PAM: variants seen among roughly 807,000 people sequenced by gnomAD.
PAM encodes the protein peptidyl-glycine alpha-amidating monooxygenase.
A neutral mutation model predicts 122.1 loss-of-function variants in PAM; 72 were observed. The ratio of observed to expected loss-of-function variants is 0.59; its 90% CI spans 0.49 to 0.72. The LOEUF is 0.72. Among genes scored for constraint, PAM ranks in the 30% least tolerant of loss-of-function variants. The probability of loss-of-function intolerance (pLI) is 0.00; values close to 1 mark genes in which losing one functional copy is unlikely to be tolerated. For missense variants in PAM, 1,106 were observed against 1,183.7 expected (o/e 0.93, Z 0.96); for synonymous variants, 389 against 404.4 (o/e 0.96, Z 0.46).
chr5:102,909,767 G>A (rs6871561), intron 4 of PAM, among the ~76,000 whole-genome samples: 151,923 of 151,952 alleles, frequency 1, 75,947 homozygotes, highest in Middle Eastern at 1. Context: ...TGATATGCAA[G>A]CTAAGCTATT....
intron 1 of PAM, among the ~76,000 whole-genome samples, chr5:102,829,363 GTTTTTTTTTTTTT>G (rs70990417): frequency 2.8e-5 from 4 of 140,506 alleles, no homozygotes; most frequent in African/African-American, 7.9e-5. Flanking sequence ...CAACTGGGAG[GTTTTTTTTTTTTT>G]TTTTTTTTTT....
At chr5:102,955,562 A>G (rs1263115387) in intron 12 of PAM, among the ~76,000 whole-genome samples, 1 of 152,072 alleles carries the variant, frequency 6.6e-6, no homozygotes, top group South Asian at 2.1e-4. Context: ...ACCTAAAGCT[A>G]TTTATATTAA....
At chr5:102,987,538 T>A (rs1457889220) in intron 15 of PAM, 1 of 455,868 alleles carries the variant, frequency 2.2e-6, no homozygotes, top group African/African-American at 2.0e-5. Flanking sequence ...AGATATGAAA[T>A]GTTTCCAGTG....
intron 21 of PAM, 41 bp downstream of exon 21, chr5:103,009,907 G>C (rs1409188967): frequency 1.9e-6 from 2 of 1,030,436 alleles, no homozygotes; most frequent in Non-Finnish European, 2.9e-6. Context: ...TTCATGAGAA[G>C]AAGACTAAAA....
intron 15 of PAM, among the ~76,000 whole-genome samples, chr5:102,976,595 T>A (rs1375214359): frequency 2.0e-5 from 3 of 152,208 alleles, no homozygotes; most frequent in Non-Finnish European, 4.4e-5. Context: ...AGGAATTAAC[T>A]GTTTCCCTAA....
chr5:102,910,406 C>T (rs1241587543), intron 4 of PAM, among the ~76,000 whole-genome samples: 1 of 151,920 alleles, frequency 6.6e-6, no homozygotes, highest in Non-Finnish European at 1.5e-5. Flanking sequence ...CTTTCAGTGT[C>T]ATCAGATTTC....
intron 23 of PAM, among the ~76,000 whole-genome samples, chr5:103,023,505 C>CAA (rs55641270): frequency 8.0e-4 from 93 of 115,896 alleles, no homozygotes; most frequent in Admixed American, 5.8e-3. Flanking sequence ...CTATAGCAAC[C>CAA]AAAAAAAAAA....
chr5:102,917,479 A>C (rs1053297093), intron 5 of PAM, among the ~76,000 whole-genome samples: 5 of 152,186 alleles, frequency 3.3e-5, no homozygotes, highest in Non-Finnish European at 7.3e-5. Flanking sequence ...AAATAACCAG[A>C]AGTCATTCAC....
intron 1 of PAM, among the ~76,000 whole-genome samples, chr5:102,809,917 T>C (rs769924479): frequency 4.6e-5 from 7 of 152,188 alleles, no homozygotes; most frequent in Non-Finnish European, 8.8e-5. Flanking sequence ...AATTTACTTG[T>C]TCATTGCTAT....
chr5:102,823,681 A>C (rs1410577988), intron 1 of PAM, among the ~76,000 whole-genome samples: 1 of 152,220 alleles, frequency 6.6e-6, no homozygotes, highest in Non-Finnish European at 1.5e-5. Flanking sequence ...ATTTTCTTCT[A>C]AGAGTGAGCA....
At chr5:102,893,474 T>A (rs2151299471) in intron 3 of PAM, among the ~76,000 whole-genome samples, 1 of 151,874 alleles carries the variant, frequency 6.6e-6, no homozygotes, top group Admixed American at 6.6e-5. Context: ...ATTACAAATA[T>A]GTAAAACCTG....
At chr5:102,953,236 A>T (rs539993442) in intron 12 of PAM, among the ~76,000 whole-genome samples, 1 of 152,278 alleles carries the variant, frequency 6.6e-6, no homozygotes, top group African/African-American at 2.4e-5. Flanking sequence ...GTAGAGGCTG[A>T]TTTTCCCATA....
intron 1 of PAM, among the ~76,000 whole-genome samples, chr5:102,859,949 A>AGG (rs1783695584): frequency 1.3e-5 from 2 of 152,208 alleles, no homozygotes; most frequent in Non-Finnish European, 2.9e-5. Context: ...TATACCATCT[A>AGG]GGTTTATGTA....
intron 14 of PAM, among the ~76,000 whole-genome samples, chr5:102,973,261 T>A (rs978348467): frequency 2.0e-5 from 3 of 152,216 alleles, no homozygotes; most frequent in Admixed American, 2.0e-4. Context: ...ACACAGTTGA[T>A]ATAAATGGAT....
At chr5:102,952,220 G>A (rs1231231869) in intron 12 of PAM, among the ~76,000 whole-genome samples, 2 of 152,110 alleles carry the variant, frequency 1.3e-5, no homozygotes, top group African/African-American at 4.8e-5. Flanking sequence ...GTTTGCAGCG[G>A]GGAGGTTTGT....
chr5:102,958,453 C>G (rs1231154304), intron 12 of PAM, among the ~76,000 whole-genome samples: 1 of 151,986 alleles, frequency 6.6e-6, no homozygotes, highest in Non-Finnish European at 1.5e-5. Context: ...ATTTTTGCAA[C>G]AGCCATTCCT....
rs1003386241 is a variant in PAM, at chr5:102,793,925, T to C, written c.-374+38577T>C. ...GCTATATTTATCTGAGTATTTTGGT[T>C]TAACAAATTAAATGCATATTTTTTT... On this transcript the variant is annotated intron_variant, in intron 1 of 25. Coordinates refer to ENST00000438793, the MANE Select transcript of PAM (RefSeq NM_001177306.2). 3.9e-5 allele frequency among the ~76,000 whole-genome samples: 6 copies of C among 152,318 alleles called. No individual in the cohort carries two copies. In the East Asian group the frequency reaches 1.2e-3, roughly 29 times the overall value.
chr5:102,796,645 GT>G (rs1763456936), intron 1 of PAM, among the ~76,000 whole-genome samples: 1 of 152,098 alleles, frequency 6.6e-6, no homozygotes, highest in Non-Finnish European at 1.5e-5. Flanking sequence ...AACTCTCTTT[GT>G]ACTTTGCCTC....
chr5:102,885,848 C>A (rs1490635888), intron 3 of PAM, among the ~76,000 whole-genome samples: 1 of 151,910 alleles, frequency 6.6e-6, no homozygotes, highest in Non-Finnish European at 1.5e-5. Context: ...TCAATTATGG[C>A]AGGAGTCAGT....
Sources: gnomAD v4.1 joint callset for allele counts (sites outside exome capture counted in the v4.1 genomes callset) on GRCh38, gnomAD v4.1.1 for gene constraint, MANE v1.5 for transcripts, NCBI Gene and HGNC (gene_info 2026-07-23, HGNC 2026-07-21) for gene names.